ADAMTS10: variants seen among roughly 807,000 people sequenced by gnomAD.
The protein encoded by ADAMTS10 is ADAM metallopeptidase with thrombospondin type 1 motif 10, also known as A disintegrin and metalloproteinase with thrombospondin motifs 10.
ADAMTS10 carries 48 observed loss-of-function variants against 135.9 expected under a neutral mutation model. The observed-to-expected ratio is 0.35, with a 90% confidence interval of 0.28 to 0.45. The LOEUF (loss-of-function observed/expected upper bound fraction) is 0.45. ADAMTS10 is among the 20% of genes least tolerant of loss of function. The pLI, the probability that ADAMTS10 is intolerant of heterozygous loss-of-function variation, is 1.00. For synonymous variants in ADAMTS10, 621 were observed against 647.5 expected, an observed-to-expected ratio of 0.96 and a Z score of 0.62; for missense variants, 1,131 against 1,565.2, an observed-to-expected ratio of 0.72 and a Z score of 4.68.
Position 8,596,609 on chromosome 19 carries a change from G to C in ADAMTS10, c.1041-24C>G, listed in dbSNP as rs782666622. The C allele has an allele frequency of 6.2e-7, 1 of 1,611,812 alleles. No individual in the cohort carries two copies. Among genetic ancestry groups the C allele is most frequent in the South Asian group, 1.1e-5 (1 of 90,904 alleles). ...AGCTGTAAAAGGAGACAGGGTCAGT[G>C]AGGGGGCTGGGCTGTCTCCCTAAGC... On this transcript the variant is annotated intron_variant, in intron 8 of 25. Transcript: ENST00000597188. The surrounding 1 kb of genome is among the most constrained non-coding windows in gnomAD (Gnocchi z 7.2).
rs886054709 is a variant in ADAMTS10 at position 8,580,812 on chromosome 19, C to T, written c.*81G>A. 4.2e-6 allele frequency: 5 copies of T among 1,188,054 alleles called. No homozygotes were observed. The African/African-American group carries it at 7.6e-5, about 18-fold the overall frequency. The allele number at this position is 1,188,054 out of a possible 1,614,324, so 73.6% of individuals were successfully genotyped here. ...ACCCTTCCCTCCCAGTTCCCGCCCC[C>T]CCGGGGCCCCCTCTGGCCGGCCCGC... On this transcript the variant is annotated 3_prime_UTR_variant, in exon 26 of 26. Transcript: ENST00000597188.
chr19:8,603,617 C>A (rs1473215521), intron 5 of ADAMTS10, 111 bp downstream of exon 5: 1 of 1,489,030 alleles, frequency 6.7e-7, no homozygotes, highest in Admixed American at 1.8e-5. Flanking sequence ...TCAGCAGCTC[C>A]ATTCTTCCCC....
Position 8,596,664 on chromosome 19 carries a change from G to T in ADAMTS10, c.1041-79C>A. 2 of 1,561,180 alleles carry T rather than the reference G, an allele frequency of 1.3e-6. No homozygotes were observed. The highest frequency in any genetic ancestry group is 1.2e-5 in the South Asian group (1 of 86,702). ...CTGATGCCACCATGCCCAGCTCTGG[G>T]GGTTGAGTCCTGCCTTGGAGGCGCC... is the stretch of plus-strand genomic sequence containing the variant. On this transcript the variant is annotated intron_variant, in intron 8 of 25. Coordinates refer to ENST00000597188, the MANE Select transcript of ADAMTS10 (RefSeq NM_030957.4). The surrounding 1 kb of genome is among the most constrained non-coding windows in gnomAD (Gnocchi z 7.2).
chr19:8,599,068 G>A (rs1260167649), intron 6 of ADAMTS10, among the ~76,000 whole-genome samples: 2 of 151,950 alleles, frequency 1.3e-5, no homozygotes, highest in South Asian at 2.1e-4. Context: ...TAGCCTACCT[G>A]GCTTCCCTTC....
intron 1 of ADAMTS10, among the ~76,000 whole-genome samples, chr19:8,610,315 A>G (rs1361535451): frequency 1.4e-5 from 2 of 146,896 alleles, no homozygotes; most frequent in Non-Finnish European, 1.5e-5. Context: ...CGCACATAGC[A>G]AACCCCTATG....
chr19:8,592,645 G>A (rs549988206), intron 13 of ADAMTS10, 118 bp downstream of exon 13: 101 of 1,052,762 alleles, frequency 9.6e-5, no homozygotes, highest in Admixed American at 3.0e-4. Flanking sequence ...ACAAATGGCG[G>A]GCGTGGCCAA....
Position 8,592,208 on chromosome 19 carries a change from C to CTGGAAG in ADAMTS10, c.1588-106_1588-105insCTTCCA, listed in dbSNP as rs71179860. The CTGGAAG allele has an allele frequency of 9.5e-6, 15 of 1,571,990 alleles. No homozygotes were observed. The East Asian group carries it at 1.9e-4, about 19-fold the overall frequency. On this transcript the variant is annotated intron_variant, in intron 13 of 25. Transcript: ENST00000597188. The stretch of plus-strand genomic sequence containing the variant: ...CCCCAGCCAGAGATATCAGCCTCTC[C>CTGGAAG]GGGATGGGCAGAGGCGGGGTCTGAA...
At chr19:8,591,336 A>G (rs1304076186) in intron 15 of ADAMTS10, among the ~76,000 whole-genome samples, 1 of 147,734 alleles carries the variant, frequency 6.8e-6, no homozygotes, top group Non-Finnish European at 1.5e-5. Context: ...GGGGTTGGGG[A>G]CGAGAAGGTG....
chr19:8,603,867 T>G lies in ADAMTS10; in HGVS notation c.453A>C (p.Ala151=), dbSNP rs1555741977. ...GCTCAATCAGGTACTCTTCCTCGTC[T>G]GCCACGATCAGGCCGTGCTGGGTTT... The part of the protein sequence containing the change: ...TCGGLHGLIV[A]DEEEYLIEPL... The change falls in exon 5 of 26, where the codon GCA becomes GCC. Residue 151 remains alanine, a synonymous_variant. Coordinates refer to ENST00000597188, the MANE Select transcript of ADAMTS10 (RefSeq NM_030957.4). The G allele has an allele frequency of 1.2e-6, 2 of 1,612,318 alleles. No individual in the cohort carries two copies. The highest frequency in any genetic ancestry group is 1.7e-5 in the Admixed American group (1 of 59,984).
At chr19:8,581,240 T>C (rs1291839719) in intron 25 of ADAMTS10, 1 of 323,014 alleles carries the variant, frequency 3.1e-6, no homozygotes, top group Non-Finnish European at 5.6e-6. Flanking sequence ...GCCTCCTAAG[T>C]AGTTGGGACT....
At position 8,605,254 on chromosome 19, in the gene ADAMTS10, G is replaced by A. The variant is rs1555742316; in HGVS notation, c.193C>T (p.Arg65Cys). 5.0e-6 allele frequency: 8 copies of A among 1,612,934 alleles called. No individual in the cohort carries two copies. Among genetic ancestry groups the A allele is most frequent in the Non-Finnish European group, 6.8e-6 (8 of 1,179,510 alleles). The part of the protein sequence containing the change: ...AFSPPPPRRQ[R>C]RGTGATAESR... ...TCGGCTGTGGCCCCCGTGCCGCGGCGCTGCCTCCGGGGAGGAGGTGGCGAG... is the reference window on the plus strand; with the variant it reads ...TCGGCTGTGGCCCCCGTGCCGCGGCACTGCCTCCGGGGAGGAGGTGGCGAG... Residue 65 changes from arginine (R) to cysteine (C), a missense_variant, in exon 4 of 26, where the codon CGC becomes TGC. By Grantham distance (180) the Arg-to-Cys change is radical. Around this residue, in one of 3 missense-constraint regions of ADAMTS10, gnomAD observed 306 missense variants for 344.4 expected, o/e 0.89. Transcript: ENST00000597188. This position sits in a 1 kb window ranked among gnomAD's most constrained non-coding sequence, Gnocchi z 7.7.
chr19:8,596,922 C>A lies in ADAMTS10; in HGVS notation c.1040+65G>T. On this transcript the variant is annotated intron_variant, in intron 8 of 25. Transcript: ENST00000597188. This position sits in a 1 kb window ranked among gnomAD's most constrained non-coding sequence, Gnocchi z 7.2. ...CTAGCAGAAGTGATCTCTGTTTGGA[C>A]TCTCATGGTTCCCTGGACCATCTGT... The A allele has an allele frequency of 6.2e-7, 1 of 1,601,100 alleles. No homozygotes were observed. Among genetic ancestry groups the A allele is most frequent in the Non-Finnish European group, 8.5e-7 (1 of 1,178,048 alleles).
chr19:8,609,253 T>TGTGC (rs1177093185), intron 1 of ADAMTS10, among the ~76,000 whole-genome samples: 1 of 149,164 alleles, frequency 6.7e-6, no homozygotes, highest in Non-Finnish European at 1.5e-5. Context: ...TGTGTGTGTG[T>TGTGC]GTGTGTACCC....
chr19:8,584,183 T>TA (rs1288479960), intron 25 of ADAMTS10, among the ~76,000 whole-genome samples: 1 of 104,836 alleles, frequency 9.5e-6, no homozygotes, highest in Non-Finnish European at 2.0e-5. Flanking sequence ...AAAAAGTAAA[T>TA]AAAAAAATAA....
At chr19:8,584,251 A>C (rs1253326778) in intron 25 of ADAMTS10, among the ~76,000 whole-genome samples, 2 of 151,918 alleles carry the variant, frequency 1.3e-5, no homozygotes, top group Non-Finnish European at 2.9e-5. Flanking sequence ...TTCTCAAGGG[A>C]AGTGATCGAT....
chr19:8,592,746 C>A lies in ADAMTS10; in HGVS notation c.1587+17G>T, dbSNP rs1413541558. ...TCAGGGGGCGTGGCCCAGTTGGGGGCCCTGGCCGGCGCTCACCCCCTTGTC... is the reference window on the plus strand; with the variant it reads ...TCAGGGGGCGTGGCCCAGTTGGGGGACCTGGCCGGCGCTCACCCCCTTGTC... On this transcript the variant is annotated intron_variant, in intron 13 of 25. Transcript: ENST00000597188. 4 of 1,602,902 alleles carry A rather than the reference C, an allele frequency of 2.5e-6. No homozygotes were observed. Among genetic ancestry groups the A allele is most frequent in the Admixed American group, 1.7e-5 (1 of 58,698 alleles).
At chr19:8,581,785 C>A (rs4804315) in intron 25 of ADAMTS10, among the ~76,000 whole-genome samples, 84,271 of 150,450 alleles carry the variant, frequency 0.56, 24,439 homozygotes, top group East Asian at 0.8. Context: ...CAGTGAGCCG[C>A]GATTGCACCA....
At chr19:8,591,214 G>A (rs925869181) in intron 15 of ADAMTS10, among the ~76,000 whole-genome samples, 13 of 152,076 alleles carry the variant, frequency 8.5e-5, no homozygotes, top group African/African-American at 3.1e-4. Context: ...AGGGAGGGGA[G>A]AGACTGGATG....
At chr19:8,590,348 A>G (rs1555738617) in intron 15 of ADAMTS10, among the ~76,000 whole-genome samples, 1 of 152,120 alleles carries the variant, frequency 6.6e-6, no homozygotes. Context: ...ATCTTAGCTC[A>G]TTGCAACCTC....
Sources: gnomAD v4.1 joint callset for allele counts (sites outside exome capture counted in the v4.1 genomes callset) on GRCh38, gnomAD v4.1.1 for gene constraint, gnomAD v4.1.1 regional missense constraint, Gnocchi (gnomAD v3.1) non-coding constraint, MANE v1.5 for transcripts, NCBI Gene and HGNC (gene_info 2026-07-23, HGNC 2026-07-21) for gene names.